Variants in TNNI3K observed in about 807,000 individuals in gnomAD.
The protein encoded by TNNI3K is TNNI3 interacting kinase, also known as serine/threonine-protein kinase TNNI3K.
In TNNI3K, 140 loss-of-function variants were observed where a neutral mutation model predicts 114.5. That is an observed-to-expected ratio of 1.22 (90% CI 1.07 to 1.41). TNNI3K has a LOEUF of 1.41. Among genes scored for constraint, TNNI3K ranks in the 40% most tolerant of loss-of-function variants. The pLI is 0.00. For missense variants in TNNI3K, 1,125 were observed against 1,007.6 expected (o/e 1.12, Z -1.58); for synonymous variants, 347 against 347.5 (o/e 1.00, Z 0.02).
At chr1:74,515,833 A>G (rs1364607035) in intron 23 of TNNI3K, among the ~76,000 whole-genome samples, 1 of 152,158 alleles carries the variant, frequency 6.6e-6, no homozygotes, top group East Asian at 1.9e-4. Flanking sequence ...TAAATTGGCT[A>G]TTTCTTTAGA....
chr1:74,238,701 T>G (rs1368841691), intron 2 of TNNI3K, among the ~76,000 whole-genome samples: 1 of 152,042 alleles, frequency 6.6e-6, no homozygotes, highest in Non-Finnish European at 1.5e-5. Flanking sequence ...GGCTATCAAA[T>G]TTACTGAGGA....
intron 21 of TNNI3K, among the ~76,000 whole-genome samples, chr1:74,484,084 A>C (rs1226100349): frequency 6.6e-6 from 1 of 152,098 alleles, no homozygotes; most frequent in Admixed American, 6.6e-5. Context: ...GGGTACTCTA[A>C]GTGTTTAGTA....
At chr1:74,288,989 A>C (rs1469416858) in intron 5 of TNNI3K, among the ~76,000 whole-genome samples, 2 of 152,036 alleles carry the variant, frequency 1.3e-5, no homozygotes, top group African/African-American at 4.8e-5. Flanking sequence ...GATATGGGGA[A>C]AGAGTGTATG....
chr1:74,325,805 G>A (rs1253311999), intron 5 of TNNI3K, among the ~76,000 whole-genome samples: 8 of 152,126 alleles, frequency 5.3e-5, no homozygotes, highest in African/African-American at 9.7e-5. Flanking sequence ...TTGAATGTCA[G>A]AACTGAAAAT....
chr1:74,315,084 G>A (rs1337059646), intron 5 of TNNI3K, among the ~76,000 whole-genome samples: 2 of 152,056 alleles, frequency 1.3e-5, no homozygotes, highest in Non-Finnish European at 2.9e-5. Flanking sequence ...TCTTTGTTAC[G>A]TGAATGCTGC....
At chr1:74,541,516 C>A (rs1237419811) in intron 24 of TNNI3K, 1 of 152,124 alleles carries the variant, frequency 6.6e-6, no homozygotes, top group African/African-American at 2.4e-5. Flanking sequence ...GACATAATAT[C>A]TTTTCTTCAA....
At chr1:74,536,476 AT>A (rs1646661762) in intron 23 of TNNI3K, among the ~76,000 whole-genome samples, 1 of 152,148 alleles carries the variant, frequency 6.6e-6, no homozygotes, top group Admixed American at 6.6e-5. Flanking sequence ...ATTTTAATAA[AT>A]TATTCATATC....
intron 19 of TNNI3K, among the ~76,000 whole-genome samples, chr1:74,438,463 G>A (rs1441185100): frequency 6.6e-6 from 1 of 152,020 alleles, no homozygotes; most frequent in Non-Finnish European, 1.5e-5. Flanking sequence ...TCCTTCAATG[G>A]ACATTTAAAA....
intron 5 of TNNI3K, among the ~76,000 whole-genome samples, chr1:74,293,172 A>G (rs948107729): frequency 6.6e-6 from 1 of 151,674 alleles, no homozygotes. Context: ...ATTCACTTTT[A>G]TTAGATATTA....
At chr1:74,273,848 T>A (rs1656502804) in intron 5 of TNNI3K, among the ~76,000 whole-genome samples, 1 of 151,898 alleles carries the variant, frequency 6.6e-6, no homozygotes, top group Admixed American at 6.6e-5. Flanking sequence ...ATTCTCTTCT[T>A]ATATGGGGGA....
chr1:74,512,954 C>T (rs533364707), intron 23 of TNNI3K, among the ~76,000 whole-genome samples: 7 of 152,272 alleles, frequency 4.6e-5, no homozygotes, highest in African/African-American at 1.4e-4. Context: ...AATGGCTCAC[C>T]GTGGAAAACT....
intron 17 of TNNI3K, among the ~76,000 whole-genome samples, chr1:74,419,494 TC>T (rs984530924): frequency 2.6e-5 from 4 of 152,114 alleles, no homozygotes; most frequent in African/African-American, 9.7e-5. Flanking sequence ...CTTTGAAAGA[TC>T]AGCCAATCAC....
chr1:74,346,805 T>A (rs1365463100), intron 9 of TNNI3K, among the ~76,000 whole-genome samples: 1 of 151,680 alleles, frequency 6.6e-6, no homozygotes. Flanking sequence ...TCAACAGGTT[T>A]GGCTTCTCCT....
At chr1:74,405,961 A>G (rs1664592615) in intron 17 of TNNI3K, among the ~76,000 whole-genome samples, 1 of 152,242 alleles carries the variant, frequency 6.6e-6, no homozygotes, top group Non-Finnish European at 1.5e-5. Flanking sequence ...AATTTAGTGC[A>G]TTAAAGCAAC....
chr1:74,460,129 G>A (rs1263213625), intron 20 of TNNI3K, among the ~76,000 whole-genome samples: 1 of 151,288 alleles, frequency 6.6e-6, no homozygotes, highest in Non-Finnish European at 1.5e-5. Context: ...AGGCTGGAGT[G>A]CAGTGGCACG....
chr1:74,463,516 C>A lies in TNNI3K; in HGVS notation c.2087C>A (p.Ser696Tyr). The A allele has an allele frequency of 1.9e-6, 3 of 1,614,212 alleles. No individual in the cohort carries two copies. The highest frequency in any genetic ancestry group is 2.5e-6 in the Non-Finnish European group (3 of 1,180,046). ...IGYSIPKPIS[S>Y]LLIRGWNACP... Reference sequence around the variant, plus strand: ...TATTCCATTCCCAAGCCCATATCATCTCTGCTGATACGAGGGTGGAACGCA... The same window carrying A: ...TATTCCATTCCCAAGCCCATATCATATCTGCTGATACGAGGGTGGAACGCA... The change falls in exon 21 of 25, where the codon TCT (serine) becomes TAT (tyrosine). Residue 696 changes from serine (S) to tyrosine (Y), a missense_variant. Coordinates refer to ENST00000326637, the MANE Select transcript of TNNI3K (RefSeq NM_015978.3).
intron 10 of TNNI3K, 106 bp downstream of exon 10, chr1:74,353,466 G>A (rs1570509186): frequency 8.3e-7 from 1 of 1,203,214 alleles, no homozygotes; most frequent in Non-Finnish European, 1.2e-6. Context: ...ACTCCAGTGG[G>A]AAAGGGTATT....
chr1:74,404,333 A>G (rs993430368), intron 17 of TNNI3K, among the ~76,000 whole-genome samples: 1 of 152,012 alleles, frequency 6.6e-6, no homozygotes, highest in Non-Finnish European at 1.5e-5. Flanking sequence ...TATCCCTTCT[A>G]TCTCTTCTTG....
chr1:74,274,119 G>T (rs1020586533), intron 5 of TNNI3K, among the ~76,000 whole-genome samples: 1 of 151,838 alleles, frequency 6.6e-6, no homozygotes, highest in African/African-American at 2.4e-5. Flanking sequence ...CCATTATCAT[G>T]TATTTTTAAT....
Sources: gnomAD v4.1 joint callset for allele counts (sites outside exome capture counted in the v4.1 genomes callset) on GRCh38, gnomAD v4.1.1 for gene constraint, MANE v1.5 for transcripts, NCBI Gene and HGNC (gene_info 2026-07-23, HGNC 2026-07-21) for gene names.